The following RBFOX3 variants were observed in gnomAD, a reference collection of about 807,000 sequenced individuals.
RBFOX3 encodes the protein RNA binding protein fox-1 homolog 3.
In RBFOX3, 17 loss-of-function variants were observed where a neutral mutation model predicts 48.7. The observed-to-expected ratio is 0.35, with a 90% CI of 0.24 to 0.52. The LOEUF is 0.52. Ranked by LOEUF, RBFOX3 falls within the 20% of genes least tolerant of loss-of-function variation. The pLI, the probability that RBFOX3 is intolerant of heterozygous loss-of-function variation, is 0.94. For synonymous variants in RBFOX3, 212 were observed against 209.5 expected, an observed-to-expected ratio of 1.01 and a Z score of -0.10; for missense variants, 382 against 497.5, an observed-to-expected ratio of 0.77 and a Z score of 2.21.
At chr17:79,344,009 G>A (rs1159363305) in intron 2 of RBFOX3, among the ~76,000 whole-genome samples, 1 of 152,198 alleles carries the variant, frequency 6.6e-6, no homozygotes, top group Non-Finnish European at 1.5e-5. Flanking sequence ...CCAGGAAGAT[G>A]CCACTGATCC....
intron 1 of RBFOX3, among the ~76,000 whole-genome samples, chr17:79,603,164 G>A (rs2145398550): frequency 6.6e-6 from 1 of 152,110 alleles, no homozygotes; most frequent in South Asian, 2.1e-4. Context: ...CGAATTTTTT[G>A]TACTTTTAGT....
chr17:79,324,611 G>C (rs1259437339), intron 2 of RBFOX3, among the ~76,000 whole-genome samples: 7 of 152,182 alleles, frequency 4.6e-5, no homozygotes, highest in Non-Finnish European at 1.0e-4. Flanking sequence ...GTGGCCCCCA[G>C]CTCTGCTCCT....
intron 1 of RBFOX3, among the ~76,000 whole-genome samples, chr17:79,521,505 T>C (rs1165592476): frequency 1.3e-5 from 2 of 151,328 alleles, no homozygotes; most frequent in East Asian, 3.9e-4. Flanking sequence ...CGCAGATATA[T>C]ACTCACAGAC....
chr17:79,427,180 C>T (rs1200907594), intron 2 of RBFOX3, among the ~76,000 whole-genome samples: 1 of 152,178 alleles, frequency 6.6e-6, no homozygotes, highest in East Asian at 1.9e-4. Context: ...GGACGGGGGG[C>T]CCCTGCCCAG....
At chr17:79,326,479 C>A (rs1400158834) in intron 2 of RBFOX3, among the ~76,000 whole-genome samples, 1 of 152,282 alleles carries the variant, frequency 6.6e-6, no homozygotes, top group South Asian at 2.1e-4. Context: ...GGCCTGGGGT[C>A]AGGCACTACA....
intron 4 of RBFOX3, among the ~76,000 whole-genome samples, chr17:79,209,857 C>T (rs562667246): frequency 6.6e-6 from 1 of 152,064 alleles, no homozygotes; most frequent in South Asian, 2.1e-4. Context: ...ATTAGCCGGG[C>T]GTGGTGGTGG....
At chr17:79,642,381 C>T in the RBFOX3 span, among the ~76,000 whole-genome samples, 1 of 152,116 alleles carries the variant, frequency 6.6e-6, no homozygotes, top group African/African-American at 2.4e-5. Context: ...AATACTGCAA[C>T]TATGTGAAGT....
intron 2 of RBFOX3, among the ~76,000 whole-genome samples, chr17:79,416,527 G>A (rs2065389695): frequency 6.6e-6 from 1 of 152,270 alleles, no homozygotes; most frequent in Non-Finnish European, 1.5e-5. Context: ...CACTTCTGGT[G>A]TGGCCCCTGC....
intron 2 of RBFOX3, among the ~76,000 whole-genome samples, chr17:79,348,612 C>CTTTTTTTTTTTTTTT (rs1555681288): frequency 9.7e-6 from 1 of 103,188 alleles, no homozygotes; most frequent in Non-Finnish European, 1.9e-5. Context: ...CAGAGTTTCA[C>CTTTTTTTTTTTTTTT]TCTTTTTAAA....
chr17:79,424,306 G>C (rs1023886618), intron 2 of RBFOX3, among the ~76,000 whole-genome samples: 18 of 152,162 alleles, frequency 1.2e-4, no homozygotes, highest in Admixed American at 4.6e-4. Flanking sequence ...AGGGGTGAGC[G>C]TCTCTCCCTC....
chr17:79,517,421 G>A (rs1405661913), intron 1 of RBFOX3, among the ~76,000 whole-genome samples: 2 of 130,458 alleles, frequency 1.5e-5, no homozygotes, highest in Non-Finnish European at 1.5e-5. Flanking sequence ...CATCAGCCTG[G>A]ACTATACAGT....
intron 2 of RBFOX3, among the ~76,000 whole-genome samples, chr17:79,332,402 GGATA>G (rs1568057751): frequency 6.6e-6 from 1 of 152,124 alleles, no homozygotes; most frequent in African/African-American, 2.4e-5. Context: ...AGAGGGAAAG[GGATA>G]GATAGGGAGC....
At position 79,103,609 on chromosome 17, in the gene RBFOX3, G is replaced by A. The variant is rs990796446; in HGVS notation, c.415-355C>T. 6.6e-6 allele frequency among the ~76,000 whole-genome samples: 1 copy of A among 152,128 alleles called. No homozygotes were observed. Among genetic ancestry groups the A allele is most frequent in the African/African-American group, 2.4e-5 (1 of 41,424 alleles). ...CCCTGAACCCCACCTTGGGGTAGGG[G>A]GCCCAGGCTGGGCTTCAGGACCTGC... On this transcript the variant is annotated intron_variant, in intron 7 of 14. Transcript: ENST00000693108. This position sits in a 1 kb window ranked among gnomAD's most constrained non-coding sequence, Gnocchi z 6.1.
intron 1 of RBFOX3, among the ~76,000 whole-genome samples, chr17:79,555,948 C>A (rs2091721001): frequency 6.6e-6 from 1 of 151,912 alleles, no homozygotes; most frequent in African/African-American, 2.4e-5. Flanking sequence ...TCCCAGAACT[C>A]CAACTACAAC....
At chr17:79,444,692 C>T (rs1426308081) in intron 2 of RBFOX3, among the ~76,000 whole-genome samples, 1 of 151,960 alleles carries the variant, frequency 6.6e-6, no homozygotes, top group African/African-American at 2.4e-5. Context: ...GCCTTATAAG[C>T]CCGCATTTGC....
chr17:79,339,917 G>A (rs1244012033), intron 2 of RBFOX3, among the ~76,000 whole-genome samples: 2 of 152,188 alleles, frequency 1.3e-5, no homozygotes, highest in African/African-American at 4.8e-5. Flanking sequence ...TGGTGACCAG[G>A]ACAAACAGCT....
At chr17:79,356,348 G>GTTTTTTTTATTTTTTT (rs2085004489) in intron 2 of RBFOX3, among the ~76,000 whole-genome samples, 1 of 47,270 alleles carries the variant, frequency 2.1e-5, no homozygotes, top group Non-Finnish European at 4.1e-5. Flanking sequence ...AAACAGGGAA[G>GTTTTTTTTATTTTTTT]TTTTTTTTTT....
intron 4 of RBFOX3, among the ~76,000 whole-genome samples, chr17:79,186,667 T>TTA (rs1366335133): frequency 4.0e-5 from 4 of 99,546 alleles, no homozygotes; most frequent in Non-Finnish European, 8.5e-5. Flanking sequence ...CCAGTGCTAA[T>TTA]ATTCACTACT....
chr17:79,258,478 G>A (rs991078947), intron 3 of RBFOX3, among the ~76,000 whole-genome samples: 7 of 152,192 alleles, frequency 4.6e-5, no homozygotes, highest in African/African-American at 1.7e-4. Context: ...CTGAGCACGG[G>A]AATGTGCTGG....
Sources: gnomAD v4.1 joint callset for allele counts (sites outside exome capture counted in the v4.1 genomes callset) on GRCh38, gnomAD v4.1.1 for gene constraint, Gnocchi (gnomAD v3.1) non-coding constraint, MANE v1.5 for transcripts, NCBI Gene and HGNC (gene_info 2026-07-23, HGNC 2026-07-21) for gene names.